The following GRB14 variants were observed in gnomAD, a reference collection of about 807,000 sequenced individuals.
GRB14 encodes the protein growth factor receptor-bound protein 14.
In GRB14, 38 loss-of-function variants were observed where a neutral mutation model predicts 69.1. That is an observed-to-expected ratio of 0.55 (90% confidence interval 0.42 to 0.72). The LOEUF (loss-of-function observed/expected upper bound fraction) is 0.72, where lower values mean the gene tolerates loss of function less well. GRB14 is among the 30% of genes least tolerant of loss of function. The pLI is 0.00. For synonymous variants in GRB14, 247 were observed against 241.3 expected (o/e 1.02, Z -0.22); for missense variants, 666 against 666.1 (o/e 1.00, Z 0.00).
chr2:164,548,314 T>A (rs1472295784), intron 2 of GRB14, among the ~76,000 whole-genome samples: 1 of 152,226 alleles, frequency 6.6e-6, no homozygotes, highest in Non-Finnish European at 1.5e-5. Flanking sequence ...GTCCTCTGGG[T>A]TCATCCATGT....
At chr2:164,510,228 G>C (rs1687305180) in intron 6 of GRB14, among the ~76,000 whole-genome samples, 1 of 152,188 alleles carries the variant, frequency 6.6e-6, no homozygotes, top group South Asian at 2.1e-4. Flanking sequence ...TCAAACAAGA[G>C]TAAAAGGTAG....
At chr2:164,554,902 C>T (rs1030977372) in intron 2 of GRB14, among the ~76,000 whole-genome samples, 1 of 149,864 alleles carries the variant, frequency 6.7e-6, no homozygotes, top group Non-Finnish European at 1.5e-5. Flanking sequence ...TGTTAAAGCA[C>T]AAGAAGAAAT....
intron 2 of GRB14, among the ~76,000 whole-genome samples, chr2:164,565,258 ACTGT>A (rs1301600553): frequency 3.6e-5 from 5 of 140,274 alleles, no homozygotes; most frequent in African/African-American, 1.4e-4. Flanking sequence ...CCAGGTATAA[ACTGT>A]CTTTCTATCA....
In GRB14 at chr2:164,522,100, G is replaced by C. The variant is rs1687649617; in HGVS notation, c.696C>G (p.Ser232Arg). Reference protein sequence around the residue: ...TQILQMFLSSSTYPEIHGFLH... With the variant: ...TQILQMFLSSRTYPEIHGFLH... ...AGAAACCATGAATTTCAGGATATGT[G>C]CTTGAACTCAGAAACATCTGAAAGA... The change falls in exon 6 of 14, where the codon AGC becomes AGG. Residue 232 changes from serine (S) to arginine (R), a missense_variant. Coordinates refer to ENST00000263915, the MANE Select transcript of GRB14 (RefSeq NM_004490.3). The C allele has an allele frequency of 6.3e-7, 1 of 1,580,280 alleles. No homozygotes were observed. Among genetic ancestry groups the C allele is most frequent in the African/African-American group, 1.4e-5 (1 of 73,172 alleles).
chr2:164,537,605 A>G (rs1688111169), intron 3 of GRB14, among the ~76,000 whole-genome samples: 1 of 152,204 alleles, frequency 6.6e-6, no homozygotes. Context: ...TACCAGAGGC[A>G]GGAGGACCAG....
chr2:164,615,396 C>G (rs912885179), intron 2 of GRB14, among the ~76,000 whole-genome samples: 5 of 152,080 alleles, frequency 3.3e-5, no homozygotes, highest in Non-Finnish European at 7.4e-5. Context: ...AATTCCAGGT[C>G]CTTAGATGAA....
chr2:164,513,839 G>GAAT (rs1206437207), intron 6 of GRB14, among the ~76,000 whole-genome samples: 12 of 152,146 alleles, frequency 7.9e-5, no homozygotes, highest in African/African-American at 2.9e-4. Flanking sequence ...CATGAAAATA[G>GAAT]AATAATAATA....
chr2:164,615,936 A>G (rs1690280807), intron 2 of GRB14, among the ~76,000 whole-genome samples: 2 of 152,216 alleles, frequency 1.3e-5, no homozygotes, highest in African/African-American at 4.8e-5. Context: ...CTAACAGATG[A>G]TTTCCTTATA....
At chr2:164,522,338 T>TACAC (rs946554289) in intron 5 of GRB14, among the ~76,000 whole-genome samples, 2 of 151,974 alleles carry the variant, frequency 1.3e-5, no homozygotes, top group Admixed American at 1.3e-4. Flanking sequence ...CGTGTGTGTA[T>TACAC]ACACACACAC....
intron 9 of GRB14, among the ~76,000 whole-genome samples, chr2:164,500,783 A>G (rs1466404120): frequency 2.0e-5 from 3 of 152,142 alleles, no homozygotes; most frequent in African/African-American, 7.2e-5. Flanking sequence ...CCTGGCACTG[A>G]ACAAGGAAAG....
chr2:164,544,199 C>T (rs1475617169), intron 3 of GRB14, among the ~76,000 whole-genome samples: 1 of 152,116 alleles, frequency 6.6e-6, no homozygotes, highest in Admixed American at 6.6e-5. Flanking sequence ...CTACTTGATG[C>T]CTAAAAGTTT....
chr2:164,529,061 A>G (rs1456230932), intron 3 of GRB14, among the ~76,000 whole-genome samples: 2 of 152,218 alleles, frequency 1.3e-5, no homozygotes, highest in South Asian at 4.1e-4. Flanking sequence ...AGTACCTACA[A>G]TGGAATATTC....
intron 2 of GRB14, among the ~76,000 whole-genome samples, chr2:164,551,847 T>C (rs977752474): frequency 6.6e-6 from 1 of 152,164 alleles, no homozygotes; most frequent in Non-Finnish European, 1.5e-5. Flanking sequence ...TGTGCTGATA[T>C]TAAGGAATAT....
chr2:164,595,922 G>A (rs770773987), intron 2 of GRB14, among the ~76,000 whole-genome samples: 2 of 152,064 alleles, frequency 1.3e-5, no homozygotes, highest in East Asian at 1.9e-4. Flanking sequence ...TCAGGAGATC[G>A]AGACCATCCT....
chr2:164,534,265 T>G (rs1329367265), intron 3 of GRB14, among the ~76,000 whole-genome samples: 1 of 152,180 alleles, frequency 6.6e-6, no homozygotes, highest in Non-Finnish European at 1.5e-5. Context: ...ACATATTCTT[T>G]TTAAATTTAT....
intron 2 of GRB14, among the ~76,000 whole-genome samples, chr2:164,556,524 C>A (rs931569224): frequency 6.6e-6 from 1 of 152,178 alleles, no homozygotes; most frequent in Non-Finnish European, 1.5e-5. Context: ...TCCCTACAAT[C>A]CTGTCCTCTG....
chr2:164,595,329 GC>G (rs1014047074), intron 2 of GRB14, among the ~76,000 whole-genome samples: 2 of 152,144 alleles, frequency 1.3e-5, no homozygotes, highest in Non-Finnish European at 2.9e-5. Flanking sequence ...GTGTCTAGTG[GC>G]AGACAAAAGC....
intron 2 of GRB14, among the ~76,000 whole-genome samples, chr2:164,611,964 T>A (rs934336904): frequency 6.6e-6 from 1 of 152,118 alleles, no homozygotes; most frequent in East Asian, 1.9e-4. Flanking sequence ...TCTGGAGCCA[T>A]CAGAATCACT....
chr2:164,597,845 T>C (rs569904092), intron 2 of GRB14, among the ~76,000 whole-genome samples: 23 of 152,084 alleles, frequency 1.5e-4, no homozygotes, highest in Non-Finnish European at 3.2e-4. Context: ...TCCTGTTCTC[T>C]AATGAGTTTC....
Sources: gnomAD v4.1 joint callset for allele counts (sites outside exome capture counted in the v4.1 genomes callset) on GRCh38, gnomAD v4.1.1 for gene constraint, MANE v1.5 for transcripts, NCBI Gene and HGNC (gene_info 2026-07-23, HGNC 2026-07-21) for gene names.